Variants in TSNAXIP1 observed in about 807,000 individuals in gnomAD.
The protein encoded by TSNAXIP1 is translin-associated factor X-interacting protein 1.
In TSNAXIP1, 89 loss-of-function variants were observed where a neutral mutation model predicts 84.8. The observed-to-expected ratio is 1.05, with a 90% CI of 0.88 to 1.25. The LOEUF is 1.25. TSNAXIP1 is among the 50% of genes most tolerant of loss of function. The pLI is 0.00. For synonymous variants in TSNAXIP1, 347 were observed against 335.2 expected (o/e 1.04, Z -0.39); for missense variants, 874 against 887.6 (o/e 0.98, Z 0.20).
intron 5 of TSNAXIP1, among the ~76,000 whole-genome samples, chr16:67,824,018 CA>C (rs10674785): frequency 1.8e-4 from 16 of 89,110 alleles, no homozygotes; most frequent in Admixed American, 2.6e-4. Flanking sequence ...GACTCCATCG[CA>C]AAAAAAAAAA....
intron 2 of TSNAXIP1, among the ~76,000 whole-genome samples, chr16:67,817,420 A>G (rs1019337715): frequency 1.4e-5 from 2 of 146,672 alleles, no homozygotes; most frequent in African/African-American, 5.0e-5. Flanking sequence ...TGCTGGGATT[A>G]CAGGCGTGAG....
intron 2 of TSNAXIP1, among the ~76,000 whole-genome samples, chr16:67,817,619 C>T (rs1304408538): frequency 3.4e-5 from 5 of 147,042 alleles, no homozygotes; most frequent in Non-Finnish European, 7.5e-5. Flanking sequence ...CGGCCGGGCG[C>T]GGTGGCTCAC....
At position 67,825,125 on chromosome 16, in the gene TSNAXIP1, C is replaced by T; in HGVS notation, c.679-12C>T. 6.2e-7 allele frequency: 1 copy of T among 1,613,186 alleles called. No individual in the cohort carries two copies. The highest frequency in any genetic ancestry group is 2.2e-5 in the East Asian group (1 of 44,884). On this transcript the variant is annotated splice_polypyrimidine_tract_variant and intron_variant, in intron 6 of 15. Transcript: ENST00000561639. ...GGGGCAGCCCCTGACCACACAGCCA[C>T]CTTCTTGCCAGGTGACCAAACTGAG...
At chr16:67,827,708 G>A (rs760649548) in intron 15 of TSNAXIP1, 45 bp from the exon 16 acceptor site, 19 of 1,611,908 alleles carry the variant, frequency 1.2e-5, no homozygotes, top group African/African-American at 4.0e-5. Flanking sequence ...TCTGGGGCAC[G>A]GAGAGGAGGG....
rs1180989710 is a variant in TSNAXIP1 at position 67,823,878 on chromosome 16, G to A, written c.481+159G>A. On this transcript the variant is annotated intron_variant, in intron 5 of 15. Coordinates refer to ENST00000561639, the MANE Select transcript of TSNAXIP1 (RefSeq NM_001288990.3). Reference sequence around the variant, plus strand: ...GTAAAAACACAAAAAAATTAGCTGCGCATGGTGGCACACACCTGTAATCCC... The same window carrying A: ...GTAAAAACACAAAAAAATTAGCTGCACATGGTGGCACACACCTGTAATCCC... Among the ~76,000 whole-genome samples the A allele has an allele frequency of 4.0e-5, 6 of 151,838 alleles. No homozygotes were observed. In the South Asian group the frequency reaches 1.0e-3, roughly 26 times the overall value.
intron 2 of TSNAXIP1, among the ~76,000 whole-genome samples, chr16:67,820,163 A>T (rs542819594): frequency 3.0e-4 from 46 of 150,958 alleles, no homozygotes; most frequent in Non-Finnish European, 4.4e-4. Context: ...TCACCGTGTT[A>T]GCCAGGATAG....
rs777815752 is a variant in TSNAXIP1 at position 67,826,835 on chromosome 16, G to C, written c.1545G>C (p.Leu515Phe). 1 of 1,613,362 alleles carries C rather than the reference G, an allele frequency of 6.2e-7. No homozygotes were observed. The highest frequency in any genetic ancestry group is 8.5e-7 in the Non-Finnish European group (1 of 1,179,958). ...TTATGAGTCAGTTCTATGCAGTCTT[G>C]ATGGGAAAGGTGAGCTGGGGCCTAT... ...NEVMSQFYAV[L>F]MGKRSENVYV... is the part of the protein sequence containing the mutation. Residue 515 changes from leucine to phenylalanine, a missense_variant, in exon 12 of 16, where the codon TTG becomes TTC. By Grantham distance (22) the Leu-to-Phe change is conservative. Coordinates refer to ENST00000561639, the MANE Select transcript of TSNAXIP1 (RefSeq NM_001288990.3).
chr16:67,815,263 G>A (rs1338238886), intron 2 of TSNAXIP1, among the ~76,000 whole-genome samples: 4 of 135,852 alleles, frequency 2.9e-5, no homozygotes, highest in East Asian at 2.1e-4. Flanking sequence ...GCAGTGAGCC[G>A]AGATCACACC....
Position 67,823,688 on chromosome 16 carries a change from C to T in TSNAXIP1, c.450C>T (p.Ser150=), listed in dbSNP as rs372831469. Residue 150 remains serine (S), a synonymous_variant, in exon 5 of 16, where the codon TCC becomes TCT. Transcript: ENST00000561639. ...EDFKTYKPLL[S]SIKNAYEGML... Reference sequence around the variant, plus strand: ...TCAAAACGTACAAGCCATTACTATCCTCCATCAAGAATGCGTATGAGGGGA... The same window carrying T: ...TCAAAACGTACAAGCCATTACTATCTTCCATCAAGAATGCGTATGAGGGGA... 39 of 1,613,544 alleles carry T rather than the reference C, an allele frequency of 2.4e-5. No homozygotes were observed. Among genetic ancestry groups the T allele is most frequent in the Non-Finnish European group, 3.3e-5 (39 of 1,179,772 alleles).
chr16:67,821,008 G>A (rs1024453839), intron 3 of TSNAXIP1, 57 bp downstream of exon 3: 6 of 1,592,270 alleles, frequency 3.8e-6, no homozygotes, highest in Non-Finnish European at 5.1e-6. Context: ...CTTTGGGCCA[G>A]GAGACAGGGC....
intron 13 of TSNAXIP1, 41 bp from the exon 14 acceptor site, chr16:67,827,208 G>T (rs775713293): frequency 5.0e-6 from 8 of 1,612,898 alleles, no homozygotes; most frequent in Non-Finnish European, 6.8e-6. Context: ...GCACAAGCAG[G>T]CCTCAGCAGG....
At chr16:67,810,390 G>A (rs944711614) in intron 1 of TSNAXIP1, among the ~76,000 whole-genome samples, 3 of 152,054 alleles carry the variant, frequency 2.0e-5, no homozygotes, top group Non-Finnish European at 2.9e-5. Flanking sequence ...GGAGGCCAAG[G>A]TGGGCAGATC....
chr16:67,825,333 C>A, intron 7 of TSNAXIP1, 61 bp downstream of exon 7: 3 of 1,597,262 alleles, frequency 1.9e-6, no homozygotes, highest in Non-Finnish European at 1.7e-6. Flanking sequence ...ACTCTGGTCT[C>A]ACCCCTAAGC....
In TSNAXIP1 at chr16:67,822,689, C is replaced by T. The variant is rs1393028922; in HGVS notation, c.388-937C>T. 2.6e-5 allele frequency among the ~76,000 whole-genome samples: 4 copies of T among 152,170 alleles called. No homozygotes were observed. In the East Asian group the frequency reaches 7.7e-4, roughly 29 times the overall value. ...GAGAATCCCTGCCTTTTGACTTAGTCATTGACTAAAGCATTTACTGAGCAC... is the reference window on the plus strand; with the variant it reads ...GAGAATCCCTGCCTTTTGACTTAGTTATTGACTAAAGCATTTACTGAGCAC... On this transcript the variant is annotated intron_variant, in intron 4 of 15. Coordinates refer to ENST00000561639, the MANE Select transcript of TSNAXIP1 (RefSeq NM_001288990.3).
Position 67,827,262 on chromosome 16 carries a change from A to C in TSNAXIP1, c.1678A>C (p.Ser560Arg), listed in dbSNP as rs756865134. ...TCTCCCCTACAGCACTGTCCTCAAG[A>C]GTACCTTCCCTCTCAAGACAGAAGA... ...TMEQFNTVLK[S>R]TFPLKTEEQI... The change falls in exon 14 of 16, where the codon AGT (serine) becomes CGT (arginine). Residue 560 changes from serine to arginine, a missense_variant. By Grantham distance (110) the Ser-to-Arg change is moderately radical. Coordinates refer to ENST00000561639, the MANE Select transcript of TSNAXIP1 (RefSeq NM_001288990.3). The C allele has an allele frequency of 1.1e-5, 17 of 1,614,078 alleles. No homozygotes were observed. Among genetic ancestry groups the C allele is most frequent in the Non-Finnish European group, 1.4e-5 (17 of 1,180,034 alleles).
At chr16:67,810,120 G>T (rs1341304261) in intron 1 of TSNAXIP1, among the ~76,000 whole-genome samples, 1 of 152,082 alleles carries the variant, frequency 6.6e-6, no homozygotes, top group Admixed American at 6.6e-5. Flanking sequence ...GGATAAGCTA[G>T]ACCTTAGCAC....
chr16:67,826,434 T>C lies in TSNAXIP1; in HGVS notation c.1276-3T>C. ...AGAGATGAGCTGATATCCTCCCTCCTAGGGCTATGGGGAAGCCATCCCTGC... is the reference window on the plus strand; with the variant it reads ...AGAGATGAGCTGATATCCTCCCTCCCAGGGCTATGGGGAAGCCATCCCTGC... On this transcript the variant is annotated splice_region_variant and splice_polypyrimidine_tract_variant and intron_variant, in intron 10 of 15. Transcript: ENST00000561639. 1 of 1,613,430 alleles carries C rather than the reference T, an allele frequency of 6.2e-7. No homozygotes were observed. Among genetic ancestry groups the C allele is most frequent in the Non-Finnish European group, 8.5e-7 (1 of 1,179,974 alleles).
intron 1 of TSNAXIP1, among the ~76,000 whole-genome samples, chr16:67,808,593 C>T (rs1218942409): frequency 6.7e-6 from 1 of 149,788 alleles, no homozygotes; most frequent in Non-Finnish European, 1.5e-5. Context: ...AAAAATTTAG[C>T]CGGGCATGGT....
At chr16:67,821,054 G>A (rs2151239419) in intron 3 of TSNAXIP1, 45 bp from the exon 4 acceptor site, 1 of 1,611,040 alleles carries the variant, frequency 6.2e-7, no homozygotes, top group Non-Finnish European at 8.5e-7. Flanking sequence ...GGGCACAAGG[G>A]CCCCGTGGGG....
Sources: gnomAD v4.1 joint callset for allele counts (sites outside exome capture counted in the v4.1 genomes callset) on GRCh38, gnomAD v4.1.1 for gene constraint, MANE v1.5 for transcripts, NCBI Gene and HGNC (gene_info 2026-07-23, HGNC 2026-07-21) for gene names.